The following SULT2B1 variants were observed in gnomAD, a reference collection of about 807,000 sequenced individuals.
SULT2B1 encodes sulfotransferase 2B1.
A neutral mutation model predicts 33.2 loss-of-function variants in SULT2B1; 16 were observed. The ratio of observed to expected loss-of-function variants is 0.48; its 90% CI spans 0.33 to 0.73. The LOEUF (loss-of-function observed/expected upper bound fraction) is 0.73, where lower values mean the gene tolerates loss of function less well. Among genes scored for constraint, SULT2B1 ranks in the 30% least tolerant of loss-of-function variants. SULT2B1 has a pLI of 0.02. For synonymous variants in SULT2B1, 186 were observed against 200.5 expected (o/e 0.93, Z 0.61); for missense variants, 500 against 506.0 (o/e 0.99, Z 0.11).
At chr19:48,558,423 G>T (rs767068228) in intron 1 of SULT2B1, among the ~76,000 whole-genome samples, 1 of 152,158 alleles carries the variant, frequency 6.6e-6, no homozygotes, top group Non-Finnish European at 1.5e-5. Flanking sequence ...AAGCCACGCC[G>T]GCCTTTGGAC....
chr19:48,592,285 C>T (rs1341014680), intron 4 of SULT2B1, among the ~76,000 whole-genome samples: 1 of 151,282 alleles, frequency 6.6e-6, no homozygotes, highest in Admixed American at 6.6e-5. Context: ...GAGTGAGACT[C>T]CGTCTCAAAA....
chr19:48,561,024 C>T (rs527998333), intron 1 of SULT2B1, among the ~76,000 whole-genome samples: 16 of 151,764 alleles, frequency 1.1e-4, no homozygotes, highest in East Asian at 1.9e-4. Context: ...CCCAGCTACT[C>T]GGGAGGCTGA....
At position 48,597,064 on chromosome 19, in the gene SULT2B1, C is replaced by G. The variant is rs978822555; in HGVS notation, c.826+145C>G. On this transcript the variant is annotated intron_variant, in intron 6 of 6. Transcript: ENST00000201586. ...GTCACTGTGGCCCCAGGGTTGATCA[C>G]GCACGGGGCTTAGCACTGACTCAGC... 5 of 976,044 alleles carry G rather than the reference C, an allele frequency of 5.1e-6. No homozygotes were observed. The East Asian group carries it at 1.3e-4, about 26-fold the overall frequency. The allele number at this position is 976,044 out of a possible 1,614,324, so 60.5% of individuals were successfully genotyped here.
chr19:48,574,902 T>C (rs1973382973), intron 1 of SULT2B1, among the ~76,000 whole-genome samples: 1 of 152,066 alleles, frequency 6.6e-6, no homozygotes, highest in African/African-American at 2.4e-5. Flanking sequence ...GCTCAACCTA[T>C]GGGATAACTG....
chr19:48,592,239 C>T (rs556786258), intron 4 of SULT2B1, among the ~76,000 whole-genome samples: 13 of 152,100 alleles, frequency 8.5e-5, no homozygotes, highest in Admixed American at 7.2e-4. Flanking sequence ...TTGCAGTGAG[C>T]CAAGATCGTG....
At chr19:48,583,826 AC>A (rs1428282630) in intron 2 of SULT2B1, among the ~76,000 whole-genome samples, 8 of 151,230 alleles carry the variant, frequency 5.3e-5, no homozygotes, top group Non-Finnish European at 1.5e-5. Flanking sequence ...AAACAAACAA[AC>A]AAAAGGCCAG....
chr19:48,588,560 A>G (rs1973598295), intron 3 of SULT2B1, among the ~76,000 whole-genome samples: 2 of 149,680 alleles, frequency 1.3e-5, no homozygotes, highest in African/African-American at 4.9e-5. Flanking sequence ...ATAATTTAAT[A>G]GTATTACAAT....
chr19:48,594,392 A>G (rs1156762760), intron 5 of SULT2B1, among the ~76,000 whole-genome samples: 2 of 152,346 alleles, frequency 1.3e-5, no homozygotes, highest in South Asian at 2.1e-4. Context: ...CCCAGGGCAC[A>G]TGGCTCTTGC....
At chr19:48,591,583 C>T (rs1973643012) in intron 3 of SULT2B1, 26 bp from the exon 4 acceptor site, 1 of 1,601,284 alleles carries the variant, frequency 6.2e-7, no homozygotes, top group Non-Finnish European at 8.5e-7. Context: ...GACGCCTTCT[C>T]CCCTCTCCTC....
chr19:48,579,610 T>TTC (rs1312164319), intron 2 of SULT2B1, among the ~76,000 whole-genome samples: 6 of 140,296 alleles, frequency 4.3e-5, no homozygotes, highest in African/African-American at 1.3e-4. Context: ...TCTTTCTTTT[T>TTC]TTTTTTTTTT....
intron 2 of SULT2B1, among the ~76,000 whole-genome samples, chr19:48,578,207 T>C (rs746826256): frequency 3.3e-5 from 5 of 152,072 alleles, no homozygotes; most frequent in Admixed American, 2.0e-4. Context: ...AGTGAGACCC[T>C]GTCTCAACAA....
At chr19:48,557,977 T>C (rs892727282) in intron 1 of SULT2B1, among the ~76,000 whole-genome samples, 2 of 152,072 alleles carry the variant, frequency 1.3e-5, no homozygotes, top group Admixed American at 1.3e-4. Context: ...GGAAAACATT[T>C]GGCACAGGCG....
intron 4 of SULT2B1, 135 bp downstream of exon 4, chr19:48,591,870 A>C (rs1340300604): frequency 9.5e-7 from 1 of 1,052,898 alleles, no homozygotes; most frequent in Admixed American, 4.6e-5. Flanking sequence ...ATAGAGACAG[A>C]GAGCAGGTGG....
At chr19:48,565,183 C>T (rs1400986835) in intron 1 of SULT2B1, among the ~76,000 whole-genome samples, 2 of 152,014 alleles carry the variant, frequency 1.3e-5, no homozygotes, top group Admixed American at 6.6e-5. Context: ...CCGTAGGCCT[C>T]CCAAAGAGCT....
At chr19:48,582,840 C>A (rs1973510966) in intron 2 of SULT2B1, among the ~76,000 whole-genome samples, 1 of 151,348 alleles carries the variant, frequency 6.6e-6, no homozygotes, top group Admixed American at 6.6e-5. Context: ...GAGACCCTGT[C>A]TCAAAATAAA....
intron 2 of SULT2B1, among the ~76,000 whole-genome samples, chr19:48,583,940 T>C (rs4080470): frequency 0.23 from 34,429 of 151,994 alleles, 5,048 homozygotes; most frequent in African/African-American, 0.42. Flanking sequence ...GGTGAAACCC[T>C]GTCTCTACTA....
At chr19:48,585,677 A>G (rs530861244) in intron 2 of SULT2B1, among the ~76,000 whole-genome samples, 11 of 151,604 alleles carry the variant, frequency 7.3e-5, no homozygotes, top group African/African-American at 2.7e-4. Flanking sequence ...CTCAAAAAGA[A>G]AAAAAGTGGG....
chr19:48,594,270 A>G (rs933075961), intron 5 of SULT2B1, among the ~76,000 whole-genome samples: 5 of 152,104 alleles, frequency 3.3e-5, no homozygotes, highest in Admixed American at 1.3e-4. Flanking sequence ...CAGAAAAACA[A>G]AAACAAAAAC....
intron 2 of SULT2B1, among the ~76,000 whole-genome samples, chr19:48,584,827 G>A (rs922718907): frequency 6.6e-6 from 1 of 152,118 alleles, no homozygotes; most frequent in African/African-American, 2.4e-5. Flanking sequence ...AAGGCAGGTG[G>A]ATCACCTGAG....
Sources: gnomAD v4.1 joint callset for allele counts (sites outside exome capture counted in the v4.1 genomes callset) on GRCh38, gnomAD v4.1.1 for gene constraint, MANE v1.5 for transcripts, NCBI Gene and HGNC (gene_info 2026-07-23, HGNC 2026-07-21) for gene names.